Variants in ANGPT1 observed in about 807,000 individuals in gnomAD.
ANGPT1 encodes the protein angiopoietin 1, also known as angiopoietin-1.
In ANGPT1, 17 loss-of-function variants were observed where a neutral mutation model predicts 62.2. The observed-to-expected ratio is 0.27, with a 90% CI of 0.19 to 0.41. The LOEUF is 0.41. Ranked by LOEUF, ANGPT1 falls within the 10% of genes least tolerant of loss-of-function variation. ANGPT1 has a pLI of 1.00. For missense variants in ANGPT1, 478 were observed against 594.9 expected (o/e 0.80, Z 2.04); for synonymous variants, 199 against 198.9 (o/e 1.00, Z 0.00).
chr8:107,462,699 T>G (rs1036042377), intron 1 of ANGPT1, among the ~76,000 whole-genome samples: 1 of 152,060 alleles, frequency 6.6e-6, no homozygotes, highest in South Asian at 2.1e-4. Flanking sequence ...TATACATGTA[T>G]ACAACCCTCA....
At chr8:107,278,454 G>C (rs1813916617) in intron 7 of ANGPT1, among the ~76,000 whole-genome samples, 1 of 151,976 alleles carries the variant, frequency 6.6e-6, no homozygotes, top group African/African-American at 2.4e-5. Context: ...CACTCTTTTT[G>C]ATTCGAGGAT....
At chr8:107,357,569 A>T (rs149304243) in intron 1 of ANGPT1, among the ~76,000 whole-genome samples, 1 of 152,124 alleles carries the variant, frequency 6.6e-6, no homozygotes, top group African/African-American at 2.4e-5. Context: ...TCTCCACCAG[A>T]TAATTCTTCT....
intron 4 of ANGPT1, 88 bp from the exon 5 acceptor site, chr8:107,303,455 C>T: frequency 8.9e-7 from 1 of 1,123,852 alleles, no homozygotes; most frequent in Non-Finnish European, 1.3e-6. Flanking sequence ...AGCATGTCTT[C>T]ATTTCCTCCA....
intron 1 of ANGPT1, among the ~76,000 whole-genome samples, chr8:107,411,167 A>C (rs896137512): frequency 6.6e-6 from 1 of 152,168 alleles, no homozygotes; most frequent in Admixed American, 6.6e-5. Context: ...GAGAATGGCT[A>C]GATATGCAAG....
intron 1 of ANGPT1, among the ~76,000 whole-genome samples, chr8:107,423,827 C>CTT (rs869079818): frequency 8.6e-4 from 64 of 74,478 alleles, no homozygotes; most frequent in East Asian, 1.2e-3. Flanking sequence ...CTTTTCCTTT[C>CTT]TTTTTTTTTT....
intron 7 of ANGPT1, among the ~76,000 whole-genome samples, chr8:107,265,167 C>G (rs1813583620): frequency 6.6e-6 from 1 of 151,968 alleles, no homozygotes; most frequent in African/African-American, 2.4e-5. Context: ...TAACCTAGAT[C>G]AGTGGCCCTC....
At chr8:107,420,262 C>T (rs1215432186) in intron 1 of ANGPT1, among the ~76,000 whole-genome samples, 3 of 152,192 alleles carry the variant, frequency 2.0e-5, no homozygotes, top group East Asian at 3.9e-4. Flanking sequence ...GGAAATAATG[C>T]CTCTGATAAA....
intron 1 of ANGPT1, among the ~76,000 whole-genome samples, chr8:107,451,512 C>T (rs1170219005): frequency 6.6e-6 from 1 of 151,888 alleles, no homozygotes; most frequent in African/African-American, 2.4e-5. Flanking sequence ...GTTGTAAATG[C>T]TTTAGTACTA....
chr8:107,358,365 A>G (rs1416862595), intron 1 of ANGPT1, among the ~76,000 whole-genome samples: 1 of 128,164 alleles, frequency 7.8e-6, no homozygotes, highest in Non-Finnish European at 1.6e-5. Flanking sequence ...TATAAATGCA[A>G]TAAAATCCCT....
chr8:107,310,982 A>AGT (rs57617011), intron 4 of ANGPT1, among the ~76,000 whole-genome samples: 27,123 of 82,672 alleles, frequency 0.33, 2,732 homozygotes, highest in East Asian at 0.43. Flanking sequence ...TGTGTATGTG[A>AGT]GTGTGTGTGT....
intron 2 of ANGPT1, among the ~76,000 whole-genome samples, chr8:107,345,995 A>C (rs964234961): frequency 6.6e-6 from 1 of 152,190 alleles, no homozygotes; most frequent in Non-Finnish European, 1.5e-5. Context: ...GAAATCACTC[A>C]AGCTAGTGAT....
At chr8:107,469,575 C>A (rs1465347324) in intron 1 of ANGPT1, among the ~76,000 whole-genome samples, 1 of 151,948 alleles carries the variant, frequency 6.6e-6, no homozygotes, top group Non-Finnish European at 1.5e-5. Context: ...ACAAAGAAAG[C>A]ATTTGCAGAA....
chr8:107,481,750 G>A (rs1586359879), intron 1 of ANGPT1, among the ~76,000 whole-genome samples: 1 of 152,104 alleles, frequency 6.6e-6, no homozygotes, highest in Non-Finnish European at 1.5e-5. Flanking sequence ...GCAGGAAAGA[G>A]AATGAGTCCC....
chr8:107,483,577 T>A (rs1222405356), intron 1 of ANGPT1, among the ~76,000 whole-genome samples: 2 of 152,016 alleles, frequency 1.3e-5, no homozygotes, highest in African/African-American at 4.8e-5. Context: ...GATGAACTTT[T>A]AAAAAAATTC....
At chr8:107,476,611 T>C (rs896431436) in intron 1 of ANGPT1, among the ~76,000 whole-genome samples, 2 of 146,114 alleles carry the variant, frequency 1.4e-5, no homozygotes, top group Non-Finnish European at 3.1e-5. Context: ...ATAAATAAAT[T>C]TGAAAGCACC....
chr8:107,371,968 G>T (rs1226696208), intron 1 of ANGPT1, among the ~76,000 whole-genome samples: 1 of 151,918 alleles, frequency 6.6e-6, no homozygotes, highest in Non-Finnish European at 1.5e-5. Context: ...ATAAGCTGAG[G>T]TGATGATTTT....
At chr8:107,482,425 C>A (rs777995631) in intron 1 of ANGPT1, among the ~76,000 whole-genome samples, 13 of 152,174 alleles carry the variant, frequency 8.5e-5, no homozygotes, top group Non-Finnish European at 1.5e-4. Flanking sequence ...AATATGGAGA[C>A]TCACTAACCA....
At chr8:107,344,406 C>A (rs1344657604) in intron 2 of ANGPT1, among the ~76,000 whole-genome samples, 1 of 152,118 alleles carries the variant, frequency 6.6e-6, no homozygotes, top group African/African-American at 2.4e-5. Flanking sequence ...GCAAGCCAGA[C>A]TAAGGGGGAA....
chr8:107,425,000 G>A (rs1384931419), intron 1 of ANGPT1, among the ~76,000 whole-genome samples: 4 of 152,138 alleles, frequency 2.6e-5, no homozygotes. Flanking sequence ...TCAGCCTCCT[G>A]GGTAGCTGAG....
Sources: gnomAD v4.1 joint callset for allele counts (sites outside exome capture counted in the v4.1 genomes callset) on GRCh38, gnomAD v4.1.1 for gene constraint, MANE v1.5 for transcripts, NCBI Gene and HGNC (gene_info 2026-07-23, HGNC 2026-07-21) for gene names.